The following NRG1 variants were observed in gnomAD, a reference collection of about 807,000 sequenced individuals.
NRG1 encodes the protein pro-neuregulin-1, membrane-bound isoform.
NRG1 carries 18 observed loss-of-function variants against 63.8 expected under a neutral mutation model. That is an observed-to-expected ratio of 0.28 (90% confidence interval 0.19 to 0.42). NRG1 has a LOEUF of 0.42. NRG1 is among the 10% of genes least tolerant of loss of function. The pLI, the probability that NRG1 is intolerant of heterozygous loss-of-function variation, is 1.00. For missense variants in NRG1, 762 were observed against 814.7 expected, an observed-to-expected ratio of 0.94 and a Z score of 0.79; for synonymous variants, 302 against 301.3, an observed-to-expected ratio of 1.00 and a Z score of -0.02.
At chr8:32,552,640 C>T (rs1171555879) in intron 1 of NRG1, among the ~76,000 whole-genome samples, 1 of 152,170 alleles carries the variant, frequency 6.6e-6, no homozygotes, top group Non-Finnish European at 1.5e-5. Context: ...TGATCTGTTT[C>T]AACCTGGTTA....
At chr8:32,620,521 G>GAAAAA (rs57462564) in intron 5 of NRG1, among the ~76,000 whole-genome samples, 1 of 122,204 alleles carries the variant, frequency 8.2e-6, no homozygotes. Context: ...TGGATTAGAA[G>GAAAAA]AAAAAAAAAA....
chr8:32,071,491 A>G (rs1349645786), intron 1 of NRG1, among the ~76,000 whole-genome samples: 1 of 152,168 alleles, frequency 6.6e-6, no homozygotes, highest in Non-Finnish European at 1.5e-5. Flanking sequence ...TCAGGGATGC[A>G]TTCCTGTATT....
intron 1 of NRG1, among the ~76,000 whole-genome samples, chr8:32,484,034 C>T (rs949332716): frequency 1.3e-5 from 2 of 151,096 alleles, no homozygotes; most frequent in African/African-American, 4.9e-5. Context: ...ACCCAGGAGG[C>T]GGAGCTTGCA....
chr8:32,445,994 A>G (rs1047039863), intron 1 of NRG1, among the ~76,000 whole-genome samples: 9 of 152,108 alleles, frequency 5.9e-5, no homozygotes, highest in South Asian at 2.1e-4. Context: ...TCATTTTTAT[A>G]TCCCCAGAAT....
chr8:31,769,119 C>A (rs1006937075), intron 1 of NRG1, among the ~76,000 whole-genome samples: 2 of 152,222 alleles, frequency 1.3e-5, no homozygotes, highest in South Asian at 4.2e-4. Flanking sequence ...TCATCTATTC[C>A]CCCCAATCAT....
intron 1 of NRG1, among the ~76,000 whole-genome samples, chr8:32,178,561 G>A (rs1841055584): frequency 6.6e-6 from 1 of 152,192 alleles, no homozygotes; most frequent in South Asian, 2.1e-4. Context: ...AGTGAGCCAA[G>A]ATTGCATCAT....
At chr8:32,087,353 A>C (rs951806579) in intron 1 of NRG1, among the ~76,000 whole-genome samples, 1 of 152,040 alleles carries the variant, frequency 6.6e-6, no homozygotes, top group Non-Finnish European at 1.5e-5. Flanking sequence ...TTCCACCATG[A>C]TTATGAGCTT....
intron 1 of NRG1, among the ~76,000 whole-genome samples, chr8:31,924,939 T>A (rs1490611552): frequency 6.6e-6 from 1 of 151,566 alleles, no homozygotes; most frequent in Non-Finnish European, 1.5e-5. Context: ...GAGTTCTAGC[T>A]TAATTCTACC....
chr8:31,640,413 GC>G lies in NRG1; in HGVS notation c.37+985del, dbSNP rs1425568124. 6.7e-7 allele frequency: 1 copy of G among 1,486,704 alleles called. No individual in the cohort carries two copies. Among genetic ancestry groups the G allele is most frequent in the Non-Finnish European group, 8.9e-7 (1 of 1,117,646 alleles). The allele number at this position is 1,486,704 out of a possible 1,614,324, so 92.1% of individuals were successfully genotyped here. On this transcript the variant is annotated intron_variant, in intron 1 of 10. Coordinates refer to the NRG1 transcript ENST00000519301. This position sits in a 1 kb window ranked among gnomAD's most constrained non-coding sequence, Gnocchi z 6.3. Reference sequence around the variant, plus strand: ...CCGCCAACGGGACCGTGCCCTCTTGGCCCACCGCCCCGGTGCCCAGCGCCGG... The same window carrying G: ...CCGCCAACGGGACCGTGCCCTCTTGGCCACCGCCCCGGTGCCCAGCGCCGG...
At chr8:32,634,433 T>A (rs1850938112) in intron 5 of NRG1, among the ~76,000 whole-genome samples, 1 of 152,182 alleles carries the variant, frequency 6.6e-6, no homozygotes, top group Non-Finnish European at 1.5e-5. Context: ...TCATACTGTT[T>A]AGTATGTTAA....
chr8:32,411,226 C>T (rs191635306), intron 1 of NRG1, among the ~76,000 whole-genome samples: 18 of 152,240 alleles, frequency 1.2e-4, no homozygotes, highest in Non-Finnish European at 2.4e-4. Flanking sequence ...AGACAGGTGG[C>T]TTATCCAAGA....
intron 1 of NRG1, among the ~76,000 whole-genome samples, chr8:32,309,922 T>A (rs78628596): frequency 2.6e-5 from 4 of 152,372 alleles, no homozygotes; most frequent in Admixed American, 2.6e-4. Flanking sequence ...TCCACCCTAG[T>A]TCTGTCCAGA....
intron 1 of NRG1, among the ~76,000 whole-genome samples, chr8:32,298,757 G>A (rs1367382918): frequency 1.3e-5 from 2 of 149,352 alleles, no homozygotes; most frequent in Non-Finnish European, 3.0e-5. Flanking sequence ...GATCGGGTGC[G>A]GGGGCTCACG....
chr8:32,577,860 AT>A (rs902335281), intron 1 of NRG1, among the ~76,000 whole-genome samples: 1 of 152,068 alleles, frequency 6.6e-6, no homozygotes, highest in Admixed American at 6.6e-5. Context: ...TTGTAACTTC[AT>A]CTGTGCCATC....
chr8:31,832,266 T>TC (rs1362730367), intron 1 of NRG1, among the ~76,000 whole-genome samples: 1 of 151,558 alleles, frequency 6.6e-6, no homozygotes, highest in Non-Finnish European at 1.5e-5. Context: ...TTTTTTTTTT[T>TC]TCTTGAGATG....
At chr8:31,810,228 A>G (rs1454339627) in intron 1 of NRG1, among the ~76,000 whole-genome samples, 2 of 152,008 alleles carry the variant, frequency 1.3e-5, no homozygotes, top group East Asian at 3.9e-4. Flanking sequence ...CACTTACTCT[A>G]TTGCAGCAGC....
At position 32,283,853 on chromosome 8, in the gene NRG1, T is replaced by C. The variant is rs1454694255; in HGVS notation, c.38-311975T>C. 3.9e-5 allele frequency among the ~76,000 whole-genome samples: 6 copies of C among 152,326 alleles called. No individual in the cohort carries two copies. In the East Asian group the frequency reaches 5.8e-4, roughly 15 times the overall value. ...GAAATTAATCAGGCTCTGTTGATGA[T>C]GCATCCACCAGGGTTTCCCATTGGA... On this transcript the variant is annotated intron_variant, in intron 1 of 10. Transcript: ENST00000519301.
intron 5 of NRG1, among the ~76,000 whole-genome samples, chr8:32,723,688 CAAAAAAAAAAAA>C (rs530225180): frequency 1.5e-4 from 5 of 33,848 alleles, no homozygotes; most frequent in South Asian, 6.1e-3. Flanking sequence ...GACTCCATCT[CAAAAAAAAAAAA>C]AAAAAAAAAA....
rs187564699 is a variant in NRG1 at position 31,816,509 on chromosome 8, A to T, written c.37+177078A>T. Among the ~76,000 whole-genome samples the T allele has an allele frequency of 3.8e-3, 583 of 152,344 alleles. 1 individual carries two copies. Among genetic ancestry groups the T allele is most frequent in the Middle Eastern group, 0.02 (6 of 294 alleles). ...CACTTACAAGCATATGAATTTCCAT[A>T]TTATTAATGCCTCGTGACCAAGATG... On this transcript the variant is annotated intron_variant, in intron 1 of 10. Transcript: ENST00000519301.
Sources: gnomAD v4.1 joint callset for allele counts (sites outside exome capture counted in the v4.1 genomes callset) on GRCh38, gnomAD v4.1.1 for gene constraint, Gnocchi (gnomAD v3.1) non-coding constraint, MANE v1.5 for transcripts, NCBI Gene and HGNC (gene_info 2026-07-23, HGNC 2026-07-21) for gene names.